TMEM131: variants seen among roughly 807,000 people sequenced by gnomAD.
The protein encoded by TMEM131 is transmembrane protein 131.
In TMEM131, 66 loss-of-function variants were observed where a neutral mutation model predicts 211.6. That is an observed-to-expected ratio of 0.31 (90% CI 0.26 to 0.38). TMEM131 has a LOEUF of 0.38. Among genes scored for constraint, TMEM131 ranks in the 10% least tolerant of loss-of-function variants. The pLI, the probability that TMEM131 is intolerant of heterozygous loss-of-function variation, is 1.00. For missense variants in TMEM131, 2,036 were observed against 2,299.3 expected (o/e 0.89, Z 2.34); for synonymous variants, 844 against 841.3 (o/e 1.00, Z -0.06).
At chr2:97,770,505 G>A (rs769415295) in intron 33 of TMEM131, among the ~76,000 whole-genome samples, 5 of 152,176 alleles carry the variant, frequency 3.3e-5, no homozygotes, top group Non-Finnish European at 5.9e-5. Context: ...TTGACTAGGC[G>A]GTTCAGGACT....
chr2:97,766,464 C>G lies in TMEM131; in HGVS notation c.4573+14G>C, dbSNP rs1679172505. ...ATCCGTAAGACATGATCATAGAGAACAAGATGACAATACCTTTTGTTTTCT... is the reference window on the plus strand; with the variant it reads ...ATCCGTAAGACATGATCATAGAGAAGAAGATGACAATACCTTTTGTTTTCT... On this transcript the variant is annotated intron_variant, in intron 34 of 40. Transcript: ENST00000186436. 6.2e-7 allele frequency: 1 copy of G among 1,613,896 alleles called. No homozygotes were observed. The highest frequency in any genetic ancestry group is 2.2e-5 in the East Asian group (1 of 44,872).
chr2:97,908,300 G>A (rs1306973190), intron 3 of TMEM131, among the ~76,000 whole-genome samples: 2 of 152,126 alleles, frequency 1.3e-5, no homozygotes, highest in African/African-American at 4.8e-5. Flanking sequence ...CTGGGGGCCT[G>A]CGGGCAGACC....
intron 1 of TMEM131, among the ~76,000 whole-genome samples, chr2:97,992,899 T>C (rs1680326409): frequency 1.3e-5 from 2 of 152,204 alleles, no homozygotes. Context: ...TCAAAGTCCT[T>C]ACAAACTTTA....
intron 3 of TMEM131, among the ~76,000 whole-genome samples, chr2:97,890,941 T>G: frequency 6.6e-6 from 1 of 152,184 alleles, no homozygotes; most frequent in East Asian, 1.9e-4. Flanking sequence ...TATGATTCCC[T>G]CATAAATAAA....
chr2:97,933,901 A>G (rs1446714874), intron 1 of TMEM131, among the ~76,000 whole-genome samples: 1 of 152,160 alleles, frequency 6.6e-6, no homozygotes, highest in Non-Finnish European at 1.5e-5. Flanking sequence ...AACTACCTCA[A>G]TCTCAACCTC....
In TMEM131 at chr2:97,965,231, G is replaced by A. The variant is rs547660101; in HGVS notation, c.187+30245C>T. On this transcript the variant is annotated intron_variant, in intron 1 of 40. Coordinates refer to ENST00000186436, the MANE Select transcript of TMEM131 (RefSeq NM_015348.2). The stretch of plus-strand genomic sequence containing the variant: ...TTGCTTGGGGAAATTCACAGAAACC[G>A]CCACTGCTATATATCTTATTGAATG... 7.9e-5 allele frequency among the ~76,000 whole-genome samples: 12 copies of A among 152,206 alleles called. No individual in the cohort carries two copies. The East Asian group carries it at 1.9e-3, about 25-fold the overall frequency.
At chr2:97,812,044 T>C (rs1681571133) in intron 17 of TMEM131, among the ~76,000 whole-genome samples, 1 of 152,234 alleles carries the variant, frequency 6.6e-6, no homozygotes, top group East Asian at 1.9e-4. Flanking sequence ...GACGTATTAT[T>C]GCATAATTGA....
chr2:97,812,888 C>G (rs781073847), intron 15 of TMEM131, 139 bp from the exon 16 acceptor site: 9 of 467,606 alleles, frequency 1.9e-5, no homozygotes, highest in Non-Finnish European at 3.8e-6. Context: ...CCTATAATCC[C>G]AGCTACTCGG....
chr2:97,793,263 G>A (rs1246089775), intron 30 of TMEM131, 132 bp downstream of exon 30: 4 of 900,672 alleles, frequency 4.4e-6, no homozygotes, highest in Non-Finnish European at 6.7e-6. Flanking sequence ...TTCCATACAG[G>A]GTGTTATTAA....
At chr2:97,868,506 T>C (rs1019570461) in intron 4 of TMEM131, among the ~76,000 whole-genome samples, 3 of 151,644 alleles carry the variant, frequency 2.0e-5, no homozygotes, top group Non-Finnish European at 4.4e-5. Context: ...AGTTACTTTA[T>C]TTTTTTTACT....
At chr2:97,956,549 G>GA (rs1027130481) in intron 1 of TMEM131, among the ~76,000 whole-genome samples, 1 of 151,036 alleles carries the variant, frequency 6.6e-6, no homozygotes, top group Non-Finnish European at 1.5e-5. Flanking sequence ...AGTGGTAAAA[G>GA]AAAAAAAAGA....
At chr2:97,939,032 T>G (rs1351417116) in intron 1 of TMEM131, among the ~76,000 whole-genome samples, 1 of 152,112 alleles carries the variant, frequency 6.6e-6, no homozygotes, top group African/African-American at 2.4e-5. Flanking sequence ...TAAAGCAGTG[T>G]GTAGAGGGAA....
chr2:97,932,865 T>C (rs966945455), intron 1 of TMEM131, among the ~76,000 whole-genome samples: 2 of 147,468 alleles, frequency 1.4e-5, no homozygotes, highest in African/African-American at 5.2e-5. Flanking sequence ...TAAAACAAAG[T>C]ATTTAAATGC....
At chr2:97,786,044 G>A (rs551372171) in intron 31 of TMEM131, among the ~76,000 whole-genome samples, 15 of 152,158 alleles carry the variant, frequency 9.9e-5, no homozygotes, top group Non-Finnish European at 2.1e-4. Flanking sequence ...AAGTGAGTGT[G>A]GCTAGAAAAG....
intron 31 of TMEM131, among the ~76,000 whole-genome samples, chr2:97,785,939 T>C (rs1316769305): frequency 6.6e-6 from 1 of 152,182 alleles, no homozygotes; most frequent in African/African-American, 2.4e-5. Flanking sequence ...CTGGCAACTA[T>C]TAATCTCCTC....
intron 1 of TMEM131, among the ~76,000 whole-genome samples, chr2:97,944,931 C>T (rs1384628798): frequency 6.6e-6 from 1 of 151,924 alleles, no homozygotes; most frequent in Non-Finnish European, 1.5e-5. Context: ...ATAAAGTTAC[C>T]ATACAATATA....
At chr2:97,779,771 T>C (rs1679909159) in intron 31 of TMEM131, among the ~76,000 whole-genome samples, 1 of 152,282 alleles carries the variant, frequency 6.6e-6, no homozygotes, top group Admixed American at 6.5e-5. Context: ...CCCCAAAGGT[T>C]TGGGAAGCCA....
At chr2:97,917,941 TTCTC>T (rs975106783) in intron 2 of TMEM131, among the ~76,000 whole-genome samples, 3 of 151,408 alleles carry the variant, frequency 2.0e-5, no homozygotes, top group African/African-American at 2.4e-5. Flanking sequence ...ATTGGTTTTT[TTCTC>T]TCTTTTTTTT....
At chr2:97,961,531 G>A (rs1678816593) in intron 1 of TMEM131, among the ~76,000 whole-genome samples, 1 of 152,166 alleles carries the variant, frequency 6.6e-6, no homozygotes, top group African/African-American at 2.4e-5. Flanking sequence ...ATCTCAGGTT[G>A]TTGTTGTTTT....
Sources: gnomAD v4.1 joint callset for allele counts (sites outside exome capture counted in the v4.1 genomes callset) on GRCh38, gnomAD v4.1.1 for gene constraint, MANE v1.5 for transcripts, NCBI Gene and HGNC (gene_info 2026-07-23, HGNC 2026-07-21) for gene names.